The following COL19A1 variants were observed in gnomAD, a reference collection of about 807,000 sequenced individuals.
COL19A1 encodes the protein collagen alpha-1(XIX) chain.
In COL19A1, 159 loss-of-function variants were observed where a neutral mutation model predicts 190.2. That is an observed-to-expected ratio of 0.84 (90% CI 0.73 to 0.95). The LOEUF is 0.95. Ranked by LOEUF, COL19A1 falls within the 40% of genes least tolerant of loss-of-function variation. COL19A1 has a pLI of 0.00. For missense variants in COL19A1, 1,418 were observed against 1,431.9 expected (o/e 0.99, Z 0.16); for synonymous variants, 509 against 458.9 (o/e 1.11, Z -1.39).
chr6:69,870,539 T>C, intron 1 of COL19A1, among the ~76,000 whole-genome samples: 1 of 152,202 alleles, frequency 6.6e-6, no homozygotes, highest in African/African-American at 2.4e-5. Flanking sequence ...ACCTGTGAAT[T>C]GTTAATAATT....
At chr6:70,017,487 A>T (rs1778181617) in intron 11 of COL19A1, among the ~76,000 whole-genome samples, 1 of 152,140 alleles carries the variant, frequency 6.6e-6, no homozygotes, top group Non-Finnish European at 1.5e-5. Flanking sequence ...AGTAAATCAT[A>T]CCTTAATAAA....
intron 14 of COL19A1, among the ~76,000 whole-genome samples, chr6:70,043,230 C>T (rs1374079687): frequency 2.0e-5 from 3 of 148,548 alleles, no homozygotes; most frequent in Non-Finnish European, 4.4e-5. Flanking sequence ...CTCGCTCTGT[C>T]GCCCAGACTG....
At chr6:69,962,771 C>A in intron 10 of COL19A1, 55 bp from the exon 11 acceptor site, 2 of 1,172,034 alleles carry the variant, frequency 1.7e-6, no homozygotes, top group South Asian at 1.7e-5. Flanking sequence ...GTAAAAATTG[C>A]ATGTGTTATA....
intron 11 of COL19A1, 85 bp downstream of exon 11, chr6:69,962,955 G>T (rs531926707): frequency 1.9e-6 from 2 of 1,060,518 alleles, no homozygotes; most frequent in Non-Finnish European, 2.8e-6. Context: ...CTTGTTTTGT[G>T]CATTCCCTAT....
Position 70,023,592 on chromosome 6 carries a change from T to C in COL19A1, c.1027-35T>C, listed in dbSNP as rs377569171. ...TTTTGCTAGCAAAGGTTTTCAGATATAAGATTTTTCATTGTATAAATTGTT... is the reference window on the plus strand; with the variant it reads ...TTTTGCTAGCAAAGGTTTTCAGATACAAGATTTTTCATTGTATAAATTGTT... On this transcript the variant is annotated intron_variant, in intron 11 of 50. Transcript: ENST00000620364. 18 of 1,563,288 alleles carry C rather than the reference T, an allele frequency of 1.2e-5. No individual in the cohort carries two copies. In the African/African-American group the frequency reaches 2.1e-4, roughly 18 times the overall value.
At chr6:70,017,707 C>T (rs1041257502) in intron 11 of COL19A1, among the ~76,000 whole-genome samples, 1 of 151,884 alleles carries the variant, frequency 6.6e-6, no homozygotes, top group African/African-American at 2.4e-5. Context: ...AATGCAGCTA[C>T]AGAGGTAGAA....
intron 17 of COL19A1, among the ~76,000 whole-genome samples, chr6:70,128,854 T>C (rs1222888624): frequency 1.3e-5 from 2 of 152,144 alleles, no homozygotes; most frequent in African/African-American, 4.8e-5. Context: ...AGGAAGAAGG[T>C]TTACAACTTG....
chr6:70,164,620 G>A (rs1788015236), intron 36 of COL19A1, among the ~76,000 whole-genome samples: 1 of 152,242 alleles, frequency 6.6e-6, no homozygotes, highest in South Asian at 2.1e-4. Flanking sequence ...TGAAGTTAAT[G>A]GGAATTCCAC....
chr6:70,031,289 A>G (rs1779058241), intron 12 of COL19A1, among the ~76,000 whole-genome samples: 2 of 151,810 alleles, frequency 1.3e-5, no homozygotes, highest in Non-Finnish European at 2.9e-5. Context: ...TTTTTTACAC[A>G]TGTATAATAC....
intron 4 of COL19A1, among the ~76,000 whole-genome samples, chr6:69,919,904 T>G (rs1030345423): frequency 2.0e-5 from 3 of 152,108 alleles, no homozygotes; most frequent in Non-Finnish European, 4.4e-5. Context: ...CCTACCAAAA[T>G]AGAAAAAATA....
chr6:70,064,672 T>C (rs1162711722), intron 14 of COL19A1, among the ~76,000 whole-genome samples: 1 of 152,116 alleles, frequency 6.6e-6, no homozygotes, highest in Non-Finnish European at 1.5e-5. Flanking sequence ...AGTCAAATTG[T>C]CCCTGTTTGC....
intron 16 of COL19A1, among the ~76,000 whole-genome samples, 193 bp downstream of exon 16, chr6:70,102,415 G>C (rs1448419351): frequency 6.6e-6 from 1 of 152,152 alleles, no homozygotes; most frequent in Non-Finnish European, 1.5e-5. Context: ...CAAACCAAGA[G>C]ATGAGGGAGG....
intron 46 of COL19A1, among the ~76,000 whole-genome samples, chr6:70,187,789 C>T (rs1346195473): frequency 6.6e-6 from 1 of 152,042 alleles, no homozygotes; most frequent in Non-Finnish European, 1.5e-5. Context: ...CAACCAAGCA[C>T]ACCTAACATT....
chr6:70,061,797 A>G (rs1226617985), intron 14 of COL19A1, among the ~76,000 whole-genome samples: 2 of 152,114 alleles, frequency 1.3e-5, no homozygotes, highest in Non-Finnish European at 2.9e-5. Context: ...TTTCCTAAGG[A>G]TAAGAGAGAA....
At chr6:70,175,156 A>G (rs1359167482) in intron 41 of COL19A1, among the ~76,000 whole-genome samples, 2 of 152,162 alleles carry the variant, frequency 1.3e-5, no homozygotes, top group African/African-American at 4.8e-5. Context: ...TTTTTCTATC[A>G]GTTATTTTTT....
intron 11 of COL19A1, among the ~76,000 whole-genome samples, chr6:69,998,085 TAAAA>T (rs1329264651): frequency 6.6e-6 from 1 of 151,734 alleles, no homozygotes; most frequent in African/African-American, 2.4e-5. Context: ...AGTGCAAAAA[TAAAA>T]AAGAGATTGT....
intron 16 of COL19A1, among the ~76,000 whole-genome samples, chr6:70,117,911 G>C (rs1784671638): frequency 6.6e-6 from 1 of 152,200 alleles, no homozygotes; most frequent in South Asian, 2.1e-4. Flanking sequence ...TCCTAGCAGA[G>C]CTCCTAAGAG....
chr6:69,933,666 A>G (rs911859122), intron 7 of COL19A1, among the ~76,000 whole-genome samples: 2 of 151,982 alleles, frequency 1.3e-5, no homozygotes, highest in African/African-American at 4.8e-5. Context: ...TAAATTCAAT[A>G]CTTTCTGTAT....
intron 12 of COL19A1, among the ~76,000 whole-genome samples, chr6:70,024,614 T>TGG (rs747928371): frequency 7.0e-6 from 1 of 142,132 alleles, no homozygotes; most frequent in Admixed American, 7.1e-5. Context: ...TGTGTGTGTG[T>TGG]GGGTGTGTGG....
Sources: allele counts gnomAD v4.1 joint callset (sites outside exome capture counted in the v4.1 genomes callset), GRCh38; gene constraint gnomAD v4.1.1; transcripts MANE v1.5; gene names NCBI Gene and HGNC (gene_info 2026-07-23, HGNC 2026-07-21).